The following MAGI2 variants were observed in gnomAD, a reference collection of about 807,000 sequenced individuals.
MAGI2 encodes membrane-associated guanylate kinase, WW and PDZ domain-containing protein 2.
Under a neutral mutation model 133.3 loss-of-function variants are expected in MAGI2, and 35 were observed. The observed-to-expected ratio is 0.26, with a 90% confidence interval of 0.20 to 0.35. The LOEUF (loss-of-function observed/expected upper bound fraction) is 0.35. Among genes scored for constraint, MAGI2 ranks in the 10% least tolerant of loss-of-function variants. The pLI, the probability that MAGI2 is intolerant of heterozygous loss-of-function variation, is 1.00. For missense variants in MAGI2, 1,636 were observed against 1,863.4 expected (o/e 0.88, Z 2.25); for synonymous variants, 729 against 710.6 (o/e 1.03, Z -0.41).
intron 1 of MAGI2, among the ~76,000 whole-genome samples, chr7:79,321,613 A>G (rs1839191977): frequency 6.6e-6 from 1 of 152,230 alleles, no homozygotes; most frequent in Non-Finnish European, 1.5e-5. Context: ...GCTTTCAGTT[A>G]AGAGCCTGGG....
At chr7:78,826,422 G>A (rs11765539) in intron 2 of MAGI2, among the ~76,000 whole-genome samples, 2,499 of 151,010 alleles carry the variant, frequency 0.017, 30 homozygotes, top group Non-Finnish European at 0.024. Context: ...GCTACATACT[G>A]TAGGATCCTA....
In MAGI2 at chr7:79,441,134, C is replaced by T. The variant is rs371205967; in HGVS notation, c.301+11886G>A. 4.7e-4 allele frequency among the ~76,000 whole-genome samples: 72 copies of T among 152,288 alleles called. No homozygotes were observed. In the South Asian group the frequency reaches 0.013, roughly 28 times the overall value. The stretch of plus-strand genomic sequence containing the variant: ...TGCTTGATTTAGTCTAGTTCCTTCC[C>T]GCGGTCTGAGGCCATCCTGATACGA... On this transcript the variant is annotated intron_variant, in intron 1 of 21. Coordinates refer to ENST00000354212, the MANE Select transcript of MAGI2 (RefSeq NM_012301.4).
chr7:78,779,814 C>T (rs1033101312), intron 2 of MAGI2, among the ~76,000 whole-genome samples: 1 of 152,202 alleles, frequency 6.6e-6, no homozygotes, highest in Non-Finnish European at 1.5e-5. Context: ...CTATGTGCAA[C>T]ATCCCTTTCA....
At chr7:78,715,481 A>C (rs557247888) in intron 2 of MAGI2, among the ~76,000 whole-genome samples, 1 of 152,324 alleles carries the variant, frequency 6.6e-6, no homozygotes, top group East Asian at 1.9e-4. Context: ...CTCTTTGCAT[A>C]AATCTTTAAT....
At position 78,833,002 on chromosome 7, in the gene MAGI2, G is replaced by A. The variant is rs368948596; in HGVS notation, c.418+174088C>T. Among the ~76,000 whole-genome samples the A allele has an allele frequency of 7.6e-4, 115 of 152,212 alleles. 1 individual carries two copies. In the South Asian group the frequency reaches 1.0e-2, roughly 13 times the overall value. On this transcript the variant is annotated intron_variant, in intron 2 of 21. Transcript: ENST00000354212. ...GCTATAAATGCCCTCATCTTGCCAC[G>A]GCTCTTCTAGGCCTCTTTAGGGTTA...
intron 9 of MAGI2, among the ~76,000 whole-genome samples, chr7:78,278,580 C>T (rs1038960791): frequency 6.6e-6 from 1 of 152,026 alleles, no homozygotes; most frequent in Non-Finnish European, 1.5e-5. Context: ...TCAATGAAAC[C>T]CTAATCTCGA....
chr7:78,370,143 A>C (rs899949627), intron 6 of MAGI2, among the ~76,000 whole-genome samples: 1 of 152,112 alleles, frequency 6.6e-6, no homozygotes, highest in Non-Finnish European at 1.5e-5. Context: ...TATCAAAAGA[A>C]AACTGGAATT....
chr7:78,241,256 C>A (rs1791106135), intron 10 of MAGI2, among the ~76,000 whole-genome samples: 2 of 152,102 alleles, frequency 1.3e-5, no homozygotes, highest in South Asian at 2.1e-4. Context: ...AAACTCGCTA[C>A]AATTACAGTC....
chr7:78,580,754 T>C (rs1050316351), intron 3 of MAGI2, among the ~76,000 whole-genome samples: 3 of 152,212 alleles, frequency 2.0e-5, no homozygotes, highest in African/African-American at 7.2e-5. Flanking sequence ...GAATGAGTTT[T>C]ATCTATTTCT....
chr7:78,243,797 G>T (rs1054551957), intron 10 of MAGI2, among the ~76,000 whole-genome samples: 6 of 151,960 alleles, frequency 3.9e-5, no homozygotes, highest in Non-Finnish European at 8.8e-5. Flanking sequence ...AGACTTTGTT[G>T]CATTTTAATA....
At chr7:78,087,611 A>G (rs1036450398) in intron 20 of MAGI2, among the ~76,000 whole-genome samples, 3 of 151,892 alleles carry the variant, frequency 2.0e-5, no homozygotes, top group Non-Finnish European at 2.9e-5. Flanking sequence ...TGGAAATATC[A>G]TTGAGAGGTT....
chr7:79,052,699 C>CA (rs985910338), intron 1 of MAGI2, among the ~76,000 whole-genome samples: 1 of 151,918 alleles, frequency 6.6e-6, no homozygotes, highest in Non-Finnish European at 1.5e-5. Context: ...TTAAATAAAC[C>CA]AAAAATTGGT....
chr7:78,860,850 T>C (rs1420309617), intron 2 of MAGI2, among the ~76,000 whole-genome samples: 1 of 152,172 alleles, frequency 6.6e-6, no homozygotes, highest in Non-Finnish European at 1.5e-5. Flanking sequence ...AGATGGAGTC[T>C]ACAGAGGCAG....
rs187138373 is a variant in MAGI2, at chr7:78,804,635, G to C, written c.419-177396C>G. On this transcript the variant is annotated intron_variant, in intron 2 of 21. Transcript: ENST00000354212. ...ATGGTGGCGGGCGCCTGTAGTCCCA[G>C]CTACTCGGGAGGCTGAGGCAGGAGA... 8.5e-3 allele frequency among the ~76,000 whole-genome samples: 1,285 copies of C among 151,494 alleles called. 42 individuals carry two copies. The highest frequency in any genetic ancestry group is 0.05 in the Admixed American group (763 of 15,194).
At chr7:79,228,692 T>C (rs1831091938) in intron 1 of MAGI2, among the ~76,000 whole-genome samples, 3 of 152,292 alleles carry the variant, frequency 2.0e-5, no homozygotes, top group South Asian at 4.1e-4. Context: ...ATGGTTGTGA[T>C]TGTTTGGGCC....
At chr7:78,887,912 G>A (rs186029938) in intron 2 of MAGI2, among the ~76,000 whole-genome samples, 44 of 152,294 alleles carry the variant, frequency 2.9e-4, no homozygotes, top group African/African-American at 1.0e-3. Context: ...CACCGAGCAT[G>A]AGCCATAGCA....
intron 2 of MAGI2, among the ~76,000 whole-genome samples, chr7:78,773,182 C>T (rs960474977): frequency 2.0e-5 from 3 of 152,086 alleles, no homozygotes; most frequent in Non-Finnish European, 2.9e-5. Context: ...TAAGCATATC[C>T]AATACAGACA....
At chr7:79,442,902 G>A (rs1848583773) in intron 1 of MAGI2, among the ~76,000 whole-genome samples, 1 of 151,796 alleles carries the variant, frequency 6.6e-6, no homozygotes, top group Admixed American at 6.6e-5. Flanking sequence ...AAGAAACTTT[G>A]TCTAGCAAAG....
intron 6 of MAGI2, among the ~76,000 whole-genome samples, chr7:78,470,610 A>G (rs1297540422): frequency 1.3e-5 from 2 of 152,156 alleles, no homozygotes; most frequent in Admixed American, 6.6e-5. Context: ...TGCAGTGATC[A>G]AAAAACAACA....
Sources: allele counts gnomAD v4.1 joint callset (sites outside exome capture counted in the v4.1 genomes callset), GRCh38; gene constraint gnomAD v4.1.1; transcripts MANE v1.5; gene names NCBI Gene and HGNC (gene_info 2026-07-23, HGNC 2026-07-21).